The following WDR4 variants were observed in gnomAD, a reference collection of about 807,000 sequenced individuals.
WDR4 encodes the protein WDR4 tRNA N7-guanosine methyltransferase non-catalytic subunit.
WDR4 carries 47 observed loss-of-function variants against 48.6 expected under a neutral mutation model. The observed-to-expected ratio is 0.97, with a 90% CI of 0.77 to 1.23. The LOEUF (loss-of-function observed/expected upper bound fraction) is 1.23, where lower values mean the gene tolerates loss of function less well. WDR4 is among the 50% of genes most tolerant of loss of function. WDR4 has a pLI of 0.00. For missense variants in WDR4, 606 were observed against 551.6 expected (o/e 1.10, Z -0.99); for synonymous variants, 268 against 230.0 (o/e 1.17, Z -1.49).
chr21:42,892,828 A>AGCTGGGCGCGTGGTGTGGGC, the WDR4 span, among the ~76,000 whole-genome samples: 1 of 152,174 alleles, frequency 6.6e-6, no homozygotes, highest in African/African-American at 2.4e-5. Context: ...AGGGTGAGGG[A>AGCTGGGCGCGTGGTGTGGGC]GCTGGGCGCG....
chr21:42,853,858 A>T (rs2057910387), intron 8 of WDR4, 106 bp from the exon 9 acceptor site: 1 of 1,259,530 alleles, frequency 7.9e-7, no homozygotes, highest in African/African-American at 1.5e-5. Context: ...CCACCTCAGG[A>T]GAGCCTACGC....
At chr21:42,865,148 C>T (rs906258144) in intron 3 of WDR4, among the ~76,000 whole-genome samples, 7 of 152,224 alleles carry the variant, frequency 4.6e-5, no homozygotes, top group African/African-American at 1.7e-4. Flanking sequence ...CCTCCTCCTC[C>T]CTCACAGCTG....
At chr21:42,844,737 G>A (rs544207187), downstream of WDR4, among the ~76,000 whole-genome samples, 6 of 152,350 alleles carry the variant, frequency 3.9e-5, no homozygotes, top group East Asian at 9.7e-4. Flanking sequence ...GGGCAGGAGG[G>A]AGGCAGACGC....
chr21:42,856,718 G>C (rs962510544), intron 6 of WDR4, among the ~76,000 whole-genome samples: 1 of 152,126 alleles, frequency 6.6e-6, no homozygotes, highest in Non-Finnish European at 1.5e-5. Context: ...ACAGCTAACA[G>C]TAGATGCATA....
In WDR4 at chr21:42,853,559, C is replaced by T. The variant is rs760167439; in HGVS notation, c.975+10G>A. 4.6e-5 allele frequency: 74 copies of T among 1,603,332 alleles called. No individual in the cohort carries two copies. Among genetic ancestry groups the T allele is most frequent in the African/African-American group, 2.3e-4 (17 of 74,802 alleles). On this transcript the variant is annotated intron_variant, in intron 9 of 10. Coordinates refer to ENST00000398208, the MANE Select transcript of WDR4 (RefSeq NM_018669.6). ...AGGGCATAGGACATCTGGAAGGTGCCGAGTCTCACCTGCCACTGGTCGCCC... is the reference window on the plus strand; with the variant it reads ...AGGGCATAGGACATCTGGAAGGTGCTGAGTCTCACCTGCCACTGGTCGCCC...
At chr21:42,875,508 T>C (rs112421594) in intron 2 of WDR4, among the ~76,000 whole-genome samples, 4 of 152,160 alleles carry the variant, frequency 2.6e-5, no homozygotes, top group African/African-American at 9.6e-5. Context: ...TGAGCCAAGA[T>C]AGCGCCACTG....
At chr21:42,879,158 A>C (rs1244970058) in intron 1 of WDR4, 1 of 1,296,436 alleles carries the variant, frequency 7.7e-7, no homozygotes, top group Admixed American at 3.7e-5. Flanking sequence ...ACCGCAGACC[A>C]GCCATCTAGT....
downstream of WDR4, among the ~76,000 whole-genome samples, chr21:42,844,543 C>T (rs1428010030): frequency 6.6e-6 from 1 of 152,222 alleles, no homozygotes; most frequent in African/African-American, 2.4e-5. Context: ...AACAAACCCA[C>T]AAGCGTTGAG....
chr21:42,844,630 C>T (rs554414731), downstream of WDR4, among the ~76,000 whole-genome samples: 51 of 152,232 alleles, frequency 3.4e-4, no homozygotes, highest in Middle Eastern at 6.8e-3. Flanking sequence ...TATGATGTGC[C>T]GGGTGGTGCA....
chr21:42,868,676 T>A (rs1346547544), intron 3 of WDR4, among the ~76,000 whole-genome samples: 1 of 152,194 alleles, frequency 6.6e-6, no homozygotes, highest in East Asian at 1.9e-4. Flanking sequence ...AGTACGTGAT[T>A]TAGGGCAGGG....
At chr21:42,860,508 T>A (rs2146037303) in intron 5 of WDR4, among the ~76,000 whole-genome samples, 1 of 152,338 alleles carries the variant, frequency 6.6e-6, no homozygotes, top group Admixed American at 6.5e-5. Context: ...CCGGGGACCC[T>A]GGAATGGGGT....
At chr21:42,843,235 T>G (rs182770389) in exon 12 of WDR4, 1 of 152,206 alleles carries the variant, frequency 6.6e-6, no homozygotes, top group African/African-American at 2.4e-5. Flanking sequence ...CGCACGCAAG[T>G]GGTCCACGGA....
At chr21:42,868,528 G>A (rs533595408) in intron 3 of WDR4, among the ~76,000 whole-genome samples, 3 of 152,356 alleles carry the variant, frequency 2.0e-5, no homozygotes, top group African/African-American at 7.2e-5. Flanking sequence ...TCTGCAGGCA[G>A]TGGCTACTCC....
the WDR4 span, among the ~76,000 whole-genome samples, chr21:42,887,118 G>A: frequency 1.2e-4 from 18 of 151,510 alleles, no homozygotes; most frequent in African/African-American, 3.9e-4. Context: ...TCAGCCTCCC[G>A]AGTAGCTGGG....
chr21:42,871,154 C>T (rs935348471), intron 3 of WDR4, among the ~76,000 whole-genome samples: 5 of 152,208 alleles, frequency 3.3e-5, no homozygotes, highest in African/African-American at 1.2e-4. Context: ...AAGACGCCAT[C>T]AGCAAGCCAA....
downstream of WDR4, among the ~76,000 whole-genome samples, chr21:42,845,443 G>A (rs896268522): frequency 1.3e-5 from 2 of 152,238 alleles, no homozygotes; most frequent in African/African-American, 4.8e-5. Flanking sequence ...GCTGGCAGGA[G>A]GCCTCAGTTC....
the WDR4 span, among the ~76,000 whole-genome samples, chr21:42,888,025 C>T: frequency 6.6e-6 from 1 of 152,088 alleles, no homozygotes; most frequent in Admixed American, 6.6e-5. Flanking sequence ...TTAGTATCTA[C>T]ATATATTTTA....
intron 3 of WDR4, among the ~76,000 whole-genome samples, chr21:42,872,794 G>A (rs1413223783): frequency 4.0e-5 from 6 of 151,714 alleles, no homozygotes; most frequent in African/African-American, 7.3e-5. Flanking sequence ...AAAATTAGCC[G>A]GGCATGGTGG....
chr21:42,885,777 C>T, the WDR4 span, among the ~76,000 whole-genome samples: 4 of 152,122 alleles, frequency 2.6e-5, no homozygotes, highest in Non-Finnish European at 5.9e-5. Context: ...TCACTGCAGC[C>T]TTGACCTCCT....
Sources: gnomAD v4.1 joint callset for allele counts (sites outside exome capture counted in the v4.1 genomes callset) on GRCh38, gnomAD v4.1.1 for gene constraint, MANE v1.5 for transcripts, NCBI Gene and HGNC (gene_info 2026-07-23, HGNC 2026-07-21) for gene names.